Variants in ASB13 observed in about 807,000 individuals in gnomAD.
ASB13 encodes the protein ankyrin repeat and SOCS box containing 13.
In ASB13, 33 loss-of-function variants were observed where a neutral mutation model predicts 28.8. That is an observed-to-expected ratio of 1.15 (90% confidence interval 0.87 to 1.53). ASB13 has a LOEUF of 1.53. Ranked by LOEUF, ASB13 falls within the 40% of genes most tolerant of loss-of-function variation. The probability of loss-of-function intolerance (pLI) is 0.00; values close to 1 mark genes in which losing one functional copy is unlikely to be tolerated. For missense variants in ASB13, 414 were observed against 390.1 expected (o/e 1.06, Z -0.52); for synonymous variants, 182 against 172.9 (o/e 1.05, Z -0.41).
At chr10:5,662,520 ACT>A (rs1193041819) in intron 1 of ASB13, among the ~76,000 whole-genome samples, 1 of 73,212 alleles carries the variant, frequency 1.4e-5, no homozygotes, top group Admixed American at 2.1e-4. Context: ...ACAGACTGAG[ACT>A]CTGTCGAGAA....
At position 5,656,893 on chromosome 10, in the gene ASB13, AC is replaced by A. The variant is rs1168278006; in HGVS notation, c.44-3844del. Among the ~76,000 whole-genome samples the A allele has an allele frequency of 6.6e-6, 1 of 151,988 alleles. No homozygotes were observed. The highest frequency in any genetic ancestry group is 2.4e-5 in the African/African-American group (1 of 41,356). Reference sequence around the variant, plus strand: ...CCCTTAACATAATTAAGAACCCGAAACCTGTACTGACTTAGACGGCACTTTA... The same window carrying A: ...CCCTTAACATAATTAAGAACCCGAAACTGTACTGACTTAGACGGCACTTTA... On this transcript the variant is annotated intron_variant, in intron 1 of 5. Coordinates refer to ENST00000357700, the MANE Select transcript of ASB13 (RefSeq NM_024701.4). This position sits in a 1 kb window ranked among gnomAD's most constrained non-coding sequence, Gnocchi z 4.3.
In ASB13 at chr10:5,652,710, C is replaced by G. The variant is rs925276156; in HGVS notation, c.231+153G>C. Among the ~76,000 whole-genome samples, 2 of 152,212 alleles carry G rather than the reference C, an allele frequency of 1.3e-5. No homozygotes were observed. The highest frequency in any genetic ancestry group is 2.9e-5 in the Non-Finnish European group (2 of 68,030). On this transcript the variant is annotated intron_variant, in intron 2 of 5. Coordinates refer to ENST00000357700, the MANE Select transcript of ASB13 (RefSeq NM_024701.4). This position sits in a 1 kb window ranked among gnomAD's most constrained non-coding sequence, Gnocchi z 5.0. ...CGTGACCTCCTAACAGCCAGGTCCA[C>G]GAGCACTTCTCAGCCATGGGCTTCC...
In ASB13 at chr10:5,651,719, T is replaced by G. The variant is rs1834987509; in HGVS notation, c.232-356A>C. Among the ~76,000 whole-genome samples, 1 of 151,262 alleles carries G rather than the reference T, an allele frequency of 6.6e-6. No homozygotes were observed. The highest frequency in any genetic ancestry group is 1.5e-5 in the Non-Finnish European group (1 of 67,826). On this transcript the variant is annotated intron_variant, in intron 2 of 5. Coordinates refer to ENST00000357700, the MANE Select transcript of ASB13 (RefSeq NM_024701.4). This position sits in a 1 kb window ranked among gnomAD's most constrained non-coding sequence, Gnocchi z 5.1. ...AAAATGAGTTTTAAAAACCCTAACC[T>G]CAGCTGGGCACAGTGGCTCACACCT...
At position 5,661,771 on chromosome 10, in the gene ASB13, T is replaced by C. The variant is rs1261081893; in HGVS notation, c.43+4738A>G. On this transcript the variant is annotated intron_variant, in intron 1 of 5. Coordinates refer to ENST00000357700, the MANE Select transcript of ASB13 (RefSeq NM_024701.4). The surrounding 1 kb of genome is among the most constrained non-coding windows in gnomAD (Gnocchi z 4.9). ...GCCTTGGCCTCCCTAAGTGCTGGGA[T>C]TACAGGCATGAGCCCCAGGCCCAGC... Among the ~76,000 whole-genome samples, 1 of 152,114 alleles carries C rather than the reference T, an allele frequency of 6.6e-6. No homozygotes were observed. Among genetic ancestry groups the C allele is most frequent in the Non-Finnish European group, 1.5e-5 (1 of 68,012 alleles).
rs1030107901 is a variant in ASB13 at position 5,652,231 on chromosome 10, C to T, written c.231+632G>A. On this transcript the variant is annotated intron_variant, in intron 2 of 5. Transcript: ENST00000357700. This position sits in a 1 kb window ranked among gnomAD's most constrained non-coding sequence, Gnocchi z 5.0. The stretch of plus-strand genomic sequence containing the variant: ...CACACTGAAATCGGTTCCATTCCAA[C>T]CTTTTGGGAAGAGTAAACAGTACAC... Among the ~76,000 whole-genome samples the T allele has an allele frequency of 1.3e-5, 2 of 152,156 alleles. No homozygotes were observed. Among genetic ancestry groups the T allele is most frequent in the African/African-American group, 4.8e-5 (2 of 41,430 alleles).
intron 5 of ASB13, 50 bp from the exon 6 acceptor site, chr10:5,640,880 C>T (rs948110523): frequency 2.5e-6 from 4 of 1,601,424 alleles, no homozygotes; most frequent in Non-Finnish European, 3.4e-6. Flanking sequence ...GGAAGAAGCA[C>T]AACACCTGCA....
rs1018511568 is a variant in ASB13 at position 5,645,779 on chromosome 10, C to T, written c.517+3191G>A. On this transcript the variant is annotated intron_variant, in intron 4 of 5. Coordinates refer to ENST00000357700, the MANE Select transcript of ASB13 (RefSeq NM_024701.4). The surrounding 1 kb of genome is among the most constrained non-coding windows in gnomAD (Gnocchi z 5.4). The stretch of plus-strand genomic sequence containing the variant: ...CCACTCTTCTGTTTTTCTAGAGACA[C>T]GGTCCCTGGCTTTCCTTTGGTTTCC... 3.3e-5 allele frequency among the ~76,000 whole-genome samples: 5 copies of T among 152,220 alleles called. No individual in the cohort carries two copies. The highest frequency in any genetic ancestry group is 1.2e-4 in the African/African-American group (5 of 41,534).
At chr10:5,666,457 TCA>T in intron 1 of ASB13, 50 bp downstream of exon 1, 2 of 1,267,836 alleles carry the variant, frequency 1.6e-6, no homozygotes, top group South Asian at 2.4e-5. Context: ...GCGGCCGGCC[TCA>T]GGAGCCGGCG....
In ASB13 at chr10:5,661,982, C is replaced by T. The variant is rs969058687; in HGVS notation, c.43+4527G>A. On this transcript the variant is annotated intron_variant, in intron 1 of 5. Transcript: ENST00000357700. The surrounding 1 kb of genome is among the most constrained non-coding windows in gnomAD (Gnocchi z 4.9). ...TGAAATGGTGAGGGTGGGCCCTCCA[C>T]CCTGACCCACCCATAAAGCCGGGCT... Among the ~76,000 whole-genome samples the T allele has an allele frequency of 6.6e-6, 1 of 152,154 alleles. No homozygotes were observed.
Position 5,639,737 on chromosome 10 carries a change from G to A in ASB13, c.*966C>T, listed in dbSNP as rs1163646940. Reference sequence around the variant, plus strand: ...ATGTGATAGATGGTCTTACTAATTTGATAGCTTCAAGGAGTTAGCAAACTG... The same window carrying A: ...ATGTGATAGATGGTCTTACTAATTTAATAGCTTCAAGGAGTTAGCAAACTG... On this transcript the variant is annotated 3_prime_UTR_variant, in exon 6 of 6. Transcript: ENST00000357700. 3 of 592 alleles carry A rather than the reference G, an allele frequency of 5.1e-3. No homozygotes were observed. The highest frequency in any genetic ancestry group is 8.7e-3 in the African/African-American group (3 of 344). The allele number at this position is 592 out of a possible 1,614,324, so 0.0% of individuals were successfully genotyped here.
At position 5,651,534 on chromosome 10, in the gene ASB13, C is replaced by T. The variant is rs1834985030; in HGVS notation, c.232-171G>A. 1.5e-6 allele frequency: 1 copy of T among 667,400 alleles called. No homozygotes were observed. The highest frequency in any genetic ancestry group is 2.5e-6 in the Non-Finnish European group (1 of 407,014). 41.3% of individuals were successfully genotyped at this position (667,400 alleles called of 1,614,324 possible). On this transcript the variant is annotated intron_variant, in intron 2 of 5. Transcript: ENST00000357700. This position sits in a 1 kb window ranked among gnomAD's most constrained non-coding sequence, Gnocchi z 5.1. ...AGAGATAGCACGTGGCTGCGGAGCACCGACGGCCTCCTGAGTAGAGAAGTC... is the reference window on the plus strand; with the variant it reads ...AGAGATAGCACGTGGCTGCGGAGCATCGACGGCCTCCTGAGTAGAGAAGTC...
rs2386641 is a variant in ASB13 at position 5,660,305 on chromosome 10, G to A, written c.43+6204C>T. On this transcript the variant is annotated intron_variant, in intron 1 of 5. Coordinates refer to ENST00000357700, the MANE Select transcript of ASB13 (RefSeq NM_024701.4). The surrounding 1 kb of genome is among the most constrained non-coding windows in gnomAD (Gnocchi z 6.1). The stretch of plus-strand genomic sequence containing the variant: ...CGATACGACCTTACTGGCTAGGACC[G>A]TGTGCCAGGTGTGGACCTTTCTGGA... 0.68 allele frequency among the ~76,000 whole-genome samples: 103,492 copies of A among 151,932 alleles called. 35,343 individuals carry two copies. The highest frequency in any genetic ancestry group is 0.77 in the South Asian group (3,694 of 4,822).
Position 5,652,576 on chromosome 10 carries a change from G to GC in ASB13, c.231+286dup, listed in dbSNP as rs1459999969. 3.9e-5 allele frequency among the ~76,000 whole-genome samples: 6 copies of GC among 152,216 alleles called. No homozygotes were observed. The highest frequency in any genetic ancestry group is 8.8e-5 in the Non-Finnish European group (6 of 68,034). On this transcript the variant is annotated intron_variant, in intron 2 of 5. Transcript: ENST00000357700. The surrounding 1 kb of genome is among the most constrained non-coding windows in gnomAD (Gnocchi z 5.0). ...AGCAGCTCTGCACCCAGGCCTGGCTGCCCCTGAGAGAGCCTGTGTCTAGGC... is the reference window on the plus strand; with the variant it reads ...AGCAGCTCTGCACCCAGGCCTGGCTGCCCCCTGAGAGAGCCTGTGTCTAGGC...
rs60413325 is a variant in ASB13 at position 5,652,961 on chromosome 10, C to T, written c.133G>A (p.Val45Met). The T allele has an allele frequency of 3.0e-5, 47 of 1,569,802 alleles. No individual in the cohort carries two copies. The highest frequency in any genetic ancestry group is 6.7e-5 in the African/African-American group (5 of 74,368). Residue 45 changes from valine to methionine, a missense_variant, in exon 2 of 6, where the codon GTG (valine) becomes ATG (methionine). Transcript: ENST00000357700. This position sits in a 1 kb window ranked among gnomAD's most constrained non-coding sequence, Gnocchi z 5.0. ...LQQLIESGAC[V>M]NQVTVDSITP... ...ATGGAGTCCACGGTGACCTGGTTCA[C>T]GCAGGCGCCGCTCTCGATCAGCTGT... is the stretch of plus-strand genomic sequence containing the variant.
At position 5,644,673 on chromosome 10, in the gene ASB13, C is replaced by T. The variant is rs916241780; in HGVS notation, c.518-2712G>A. The stretch of plus-strand genomic sequence containing the variant: ...TCTCTACTAAAAATCCAAAAATTAC[C>T]TGGGCGTGGTGGTGCACATCTATAA... On this transcript the variant is annotated intron_variant, in intron 4 of 5. Transcript: ENST00000357700. The surrounding 1 kb of genome is among the most constrained non-coding windows in gnomAD (Gnocchi z 5.1). Among the ~76,000 whole-genome samples the T allele has an allele frequency of 1.3e-5, 2 of 151,902 alleles. No individual in the cohort carries two copies. The highest frequency in any genetic ancestry group is 2.9e-5 in the Non-Finnish European group (2 of 67,990).
Position 5,640,518 on chromosome 10 carries a change from T to C in ASB13, c.*185A>G. ...CAACTGTGACCTGAGACGCAGGCCT[T>C]CCCAACACCCTGGAAACATTATCCA... On this transcript the variant is annotated 3_prime_UTR_variant, in exon 6 of 6. Transcript: ENST00000357700. The C allele has an allele frequency of 1.3e-6, 1 of 754,332 alleles. No individual in the cohort carries two copies. Among genetic ancestry groups the C allele is most frequent in the Middle Eastern group, 4.0e-4 (1 of 2,510 alleles). The allele number at this position is 754,332 out of a possible 1,614,324, so 46.7% of individuals were successfully genotyped here. A position where few individuals can be genotyped will look rare whatever the true frequency, so the allele number is the denominator to read the frequency against.
rs935486134 is a variant in ASB13, at chr10:5,659,418, G to A, written c.44-6368C>T. Among the ~76,000 whole-genome samples, 2 of 152,090 alleles carry A rather than the reference G, an allele frequency of 1.3e-5. No individual in the cohort carries two copies. The highest frequency in any genetic ancestry group is 1.9e-4 in the East Asian group (1 of 5,168). Reference sequence around the variant, plus strand: ...AACCCAGGCAAGGAACAAGGTCCACGACCATGCAGTCACAGGCCCTGTCCC... The same window carrying A: ...AACCCAGGCAAGGAACAAGGTCCACAACCATGCAGTCACAGGCCCTGTCCC... On this transcript the variant is annotated intron_variant, in intron 1 of 5. Transcript: ENST00000357700. This position sits in a 1 kb window ranked among gnomAD's most constrained non-coding sequence, Gnocchi z 5.8.
At chr10:5,665,256 G>A (rs183861933) in intron 1 of ASB13, among the ~76,000 whole-genome samples, 1 of 152,302 alleles carries the variant, frequency 6.6e-6, no homozygotes, top group African/African-American at 2.4e-5. Flanking sequence ...CTCTGGTGCT[G>A]CTGGAATGGC....
chr10:5,641,836 C>A lies in ASB13; in HGVS notation c.643G>T (p.Gly215Trp). ...CACGTGTAGTCAGACGGCTTCTTCC[C>A]GCGGTTGTCCCGGGCGTAGATGTTG... The part of the protein sequence containing the change: ...GGNIYARDNR[G>W]KKPSDYTWSS... Residue 215 changes from glycine (G) to tryptophan (W), a missense_variant, in exon 5 of 6, where the codon GGG (glycine) becomes TGG (tryptophan). Physicochemically the swap from Gly to Trp is radical, Grantham distance 184 (BLOSUM62 -2). Coordinates refer to ENST00000357700, the MANE Select transcript of ASB13 (RefSeq NM_024701.4). This position sits in a 1 kb window ranked among gnomAD's most constrained non-coding sequence, Gnocchi z 8.4. 6.2e-7 allele frequency: 1 copy of A among 1,613,426 alleles called. No individual in the cohort carries two copies. The highest frequency in any genetic ancestry group is 8.5e-7 in the Non-Finnish European group (1 of 1,179,804).
Sources: gnomAD v4.1 joint callset for allele counts (sites outside exome capture counted in the v4.1 genomes callset) on GRCh38, gnomAD v4.1.1 for gene constraint, Gnocchi (gnomAD v3.1) non-coding constraint, MANE v1.5 for transcripts, NCBI Gene and HGNC (gene_info 2026-07-23, HGNC 2026-07-21) for gene names.